DGKG: variants seen among roughly 807,000 people sequenced by gnomAD.
DGKG encodes the protein DAG kinase gamma.
Under a neutral mutation model 105.3 loss-of-function variants are expected in DGKG, and 78 were observed. The observed-to-expected ratio is 0.74, with a 90% CI of 0.62 to 0.89. DGKG has a LOEUF of 0.89. Among genes scored for constraint, DGKG ranks in the 40% least tolerant of loss-of-function variants. The probability of loss-of-function intolerance (pLI) is 0.00; values close to 1 mark genes in which losing one functional copy is unlikely to be tolerated. For synonymous variants in DGKG, 346 were observed against 367.1 expected, an observed-to-expected ratio of 0.94 and a Z score of 0.66; for missense variants, 958 against 1,020.1, an observed-to-expected ratio of 0.94 and a Z score of 0.83.
intron 21 of DGKG, among the ~76,000 whole-genome samples, chr3:186,196,619 T>C (rs1718196806): frequency 6.6e-6 from 1 of 152,228 alleles, no homozygotes; most frequent in Non-Finnish European, 1.5e-5. Flanking sequence ...CTGTGATTGT[T>C]TGGACCGACA....
chr3:186,155,474 G>A (rs1715991826), intron 24 of DGKG, among the ~76,000 whole-genome samples: 1 of 152,222 alleles, frequency 6.6e-6, no homozygotes, highest in South Asian at 2.1e-4. Context: ...TTACAGGCAT[G>A]AGCCACTGTG....
At chr3:186,174,511 A>G (rs1716979428) in intron 22 of DGKG, among the ~76,000 whole-genome samples, 1 of 152,190 alleles carries the variant, frequency 6.6e-6, no homozygotes, top group Non-Finnish European at 1.5e-5. Flanking sequence ...TAAAGAGCAG[A>G]GAGATTATGA....
chr3:186,279,931 C>T lies in DGKG; in HGVS notation c.712G>A (p.Gly238Ser), dbSNP rs746584225. ...MLQGMDYDRDGFVSLQEWVHG... is the reference protein window; with the variant it reads ...MLQGMDYDRDSFVSLQEWVHG... ...ACCCATTCCTGTAGAGACACAAAGCCGTCCCGGTCGTAGTCCATCCCTTGC... is the reference window on the plus strand; with the variant it reads ...ACCCATTCCTGTAGAGACACAAAGCTGTCCCGGTCGTAGTCCATCCCTTGC... Residue 238 changes from glycine to serine, a missense_variant, in exon 9 of 25, where the codon GGC becomes AGC. Gly to Ser is a moderately conservative substitution (Grantham distance 56). Transcript: ENST00000265022. The T allele has an allele frequency of 1.5e-5, 25 of 1,614,002 alleles. No individual in the cohort carries two copies. Among genetic ancestry groups the T allele is most frequent in the Middle Eastern group, 1.6e-4 (1 of 6,084 alleles).
At chr3:186,156,305 G>T (rs1716033245) in intron 24 of DGKG, among the ~76,000 whole-genome samples, 1 of 152,010 alleles carries the variant, frequency 6.6e-6, no homozygotes, top group East Asian at 1.9e-4. Context: ...TTTGAGGTGA[G>T]AGGTTCTATA....
intron 20 of DGKG, among the ~76,000 whole-genome samples, chr3:186,229,948 G>A (rs1322055645): frequency 2.0e-5 from 3 of 152,098 alleles, no homozygotes; most frequent in Admixed American, 6.5e-5. Flanking sequence ...CAGCAAAGTG[G>A]GACAGAATGT....
intron 11 of DGKG, among the ~76,000 whole-genome samples, chr3:186,270,761 G>A (rs1422741908): frequency 6.6e-6 from 1 of 152,220 alleles, no homozygotes; most frequent in African/African-American, 2.4e-5. Flanking sequence ...CCCAAGTCCA[G>A]GGCTGTTTCC....
chr3:186,229,735 C>A, intron 20 of DGKG, among the ~76,000 whole-genome samples: 1 of 152,206 alleles, frequency 6.6e-6, no homozygotes, highest in East Asian at 1.9e-4. Context: ...TCCTCTCAGA[C>A]CTAGCATGAT....
chr3:186,358,506 T>TTGTGTGTGCGTGTGTGTGTGTGTG (rs1727083722), intron 1 of DGKG, among the ~76,000 whole-genome samples: 1 of 149,952 alleles, frequency 6.7e-6, no homozygotes, highest in Non-Finnish European at 1.5e-5. Flanking sequence ...TTCTAACCCT[T>TTGTGTGTGCGTGTGTGTGTGTGTG]TGTGTGTGTG....
chr3:186,235,772 T>A (rs1195132763), intron 20 of DGKG, among the ~76,000 whole-genome samples: 1 of 152,076 alleles, frequency 6.6e-6, no homozygotes, highest in African/African-American at 2.4e-5. Context: ...GAGGTCAGGG[T>A]TGGGGAGAGG....
At chr3:186,247,148 A>G (rs1050124836) in intron 19 of DGKG, among the ~76,000 whole-genome samples, 3 of 152,196 alleles carry the variant, frequency 2.0e-5, no homozygotes, top group Admixed American at 6.5e-5. Context: ...ATCAGTTAGA[A>G]GGACTGATAA....
chr3:186,179,227 A>C (rs1370406018), intron 22 of DGKG, among the ~76,000 whole-genome samples: 2 of 152,230 alleles, frequency 1.3e-5, no homozygotes, highest in Non-Finnish European at 2.9e-5. Flanking sequence ...ATAAAGTTTT[A>C]TCAGAACACA....
intron 1 of DGKG, among the ~76,000 whole-genome samples, chr3:186,333,851 T>C (rs1725708044): frequency 6.6e-6 from 1 of 152,114 alleles, no homozygotes; most frequent in Non-Finnish European, 1.5e-5. Context: ...CGGCGTGGTA[T>C]GTACGTGTGT....
At chr3:186,299,978 C>T (rs373760883) in intron 3 of DGKG, among the ~76,000 whole-genome samples, 63 of 152,076 alleles carry the variant, frequency 4.1e-4, no homozygotes, top group African/African-American at 1.3e-3. Context: ...GCTGGGATTA[C>T]AGGCACGTGC....
intron 11 of DGKG, among the ~76,000 whole-genome samples, chr3:186,271,297 C>T (rs964549408): frequency 5.2e-4 from 79 of 152,288 alleles, no homozygotes; most frequent in East Asian, 9.6e-4. Context: ...TCTCATCCTC[C>T]GCATCCCCAT....
In DGKG at chr3:186,320,409, G is replaced by T. The variant is rs1725025027; in HGVS notation, c.51C>A (p.Leu17=). ...VSLTPEEFDQ[L]QKYSEYSSKK... is the part of the protein sequence containing the mutation. ...TTTACTCACATTCTGAATATTTCTG[G>T]AGTTGGTCAAATTCTTCTGGAGTGA... The change falls in exon 2 of 25, where the codon CTC becomes CTA. Residue 17 remains leucine (L), a synonymous_variant. Transcript: ENST00000265022. 1 of 1,614,066 alleles carries T rather than the reference G, an allele frequency of 6.2e-7. No individual in the cohort carries two copies. The highest frequency in any genetic ancestry group is 1.3e-5 in the African/African-American group (1 of 74,930).
intron 1 of DGKG, among the ~76,000 whole-genome samples, chr3:186,354,570 C>T (rs1028663344): frequency 7.9e-5 from 12 of 152,164 alleles, no homozygotes; most frequent in Non-Finnish European, 1.3e-4. Flanking sequence ...TCTTCCATCC[C>T]TTTTCTTGCC....
intron 24 of DGKG, chr3:186,161,228 TG>T: frequency 2.0e-6 from 2 of 1,011,666 alleles, no homozygotes; most frequent in Non-Finnish European, 2.4e-6. Context: ...CAATTTGACT[TG>T]TTCATCAGCA....
chr3:186,320,464 A>G lies in DGKG; in HGVS notation c.-5T>C. 2.5e-6 allele frequency: 4 copies of G among 1,614,168 alleles called. No homozygotes were observed. Among genetic ancestry groups the G allele is most frequent in the Non-Finnish European group, 3.4e-6 (4 of 1,180,030 alleles). On this transcript the variant is annotated 5_prime_UTR_variant, in exon 2 of 25. Coordinates refer to ENST00000265022, the MANE Select transcript of DGKG (RefSeq NM_001346.3). ...GACCCACCGTTCTTCACCCATTTTT[A>G]AACTTTATGTGAGTGGCTAAAGGGC...
intron 1 of DGKG, among the ~76,000 whole-genome samples, chr3:186,321,536 C>G (rs1252166651): frequency 6.6e-6 from 1 of 152,152 alleles, no homozygotes; most frequent in East Asian, 1.9e-4. Flanking sequence ...AGCCACCAAC[C>G]TAAAAAGGTG....
Sources: gnomAD v4.1 joint callset for allele counts (sites outside exome capture counted in the v4.1 genomes callset) on GRCh38, gnomAD v4.1.1 for gene constraint, MANE v1.5 for transcripts, NCBI Gene and HGNC (gene_info 2026-07-23, HGNC 2026-07-21) for gene names.